Variants in FBXO16 observed in about 807,000 individuals in gnomAD.
The protein encoded by FBXO16 is F-box protein 16.
A neutral mutation model predicts 41.0 loss-of-function variants in FBXO16; 31 were observed. The ratio of observed to expected loss-of-function variants is 0.76; its 90% confidence interval spans 0.57 to 1.02. The LOEUF (loss-of-function observed/expected upper bound fraction) is 1.02. FBXO16 is among the 50% of genes least tolerant of loss of function. The pLI, the probability that FBXO16 is intolerant of heterozygous loss-of-function variation, is 0.00. For missense variants in FBXO16, 361 were observed against 346.2 expected (o/e 1.04, Z -0.34); for synonymous variants, 133 against 117.8 (o/e 1.13, Z -0.84).
chr8:28,448,224 C>T (rs1802896444), intron 6 of FBXO16, among the ~76,000 whole-genome samples: 1 of 151,260 alleles, frequency 6.6e-6, no homozygotes, highest in Non-Finnish European at 1.5e-5. Flanking sequence ...GCCTGTAGTT[C>T]CAGCTACTCA....
intron 2 of FBXO16, among the ~76,000 whole-genome samples, chr8:28,480,156 T>C (rs1370383358): frequency 6.6e-6 from 1 of 152,094 alleles, no homozygotes; most frequent in East Asian, 1.9e-4. Context: ...TTTTTTCTCA[T>C]TCTCTTTCCT....
intron 7 of FBXO16, among the ~76,000 whole-genome samples, chr8:28,446,294 G>A (rs1362933759): frequency 1.4e-5 from 2 of 139,664 alleles, no homozygotes; most frequent in Admixed American, 7.9e-5. Context: ...CCATCCTCCT[G>A]CCTCCCCCGC....
intron 7 of FBXO16, among the ~76,000 whole-genome samples, chr8:28,436,917 A>T (rs1478970345): frequency 6.6e-6 from 1 of 152,068 alleles, no homozygotes; most frequent in Non-Finnish European, 1.5e-5. Context: ...ATACCTAGCT[A>T]ACTTTCATTT....
At chr8:28,440,965 C>T (rs1802763237) in intron 7 of FBXO16, among the ~76,000 whole-genome samples, 3 of 152,168 alleles carry the variant, frequency 2.0e-5, no homozygotes, top group South Asian at 2.1e-4. Context: ...TCCAGGGCCT[C>T]GGAAGTTCAA....
intron 1 of FBXO16, among the ~76,000 whole-genome samples, chr8:28,488,293 C>CTTTTTTTTTTTTTTTT (rs10708340): frequency 1.0e-5 from 1 of 96,194 alleles, no homozygotes; most frequent in Non-Finnish European, 2.0e-5. Flanking sequence ...TCTTCTAAGC[C>CTTTTTTTTTTTTTTTT]TTTTTTTTTT....
At chr8:28,432,088 C>G (rs1802613706) in intron 7 of FBXO16, among the ~76,000 whole-genome samples, 1 of 151,838 alleles carries the variant, frequency 6.6e-6, no homozygotes, top group Admixed American at 6.6e-5. Context: ...GTGAACACCA[C>G]TGCTGTTTGC....
rs1477069747 is a variant in FBXO16, at chr8:28,489,824, G to T, written c.-17+362C>A. On this transcript the variant is annotated intron_variant, in intron 1 of 8. Coordinates refer to ENST00000380254, the MANE Select transcript of FBXO16 (RefSeq NM_172366.4). ...AGTTTACTGAGCATAATAGGACTGG[G>T]TCTCTCTGCTAACAGAATTTACCCA... 3.3e-5 allele frequency among the ~76,000 whole-genome samples: 5 copies of T among 152,234 alleles called. No individual in the cohort carries two copies. In the East Asian group the frequency reaches 9.6e-4, roughly 29 times the overall value.
chr8:28,429,353 G>A (rs1380133786), intron 8 of FBXO16, 25 bp downstream of exon 8: 45 of 1,613,202 alleles, frequency 2.8e-5, no homozygotes, highest in Non-Finnish European at 3.6e-5. Flanking sequence ...AAATGTCACA[G>A]GTTGATATCA....
At chr8:28,488,625 A>T (rs1803640845) in intron 1 of FBXO16, among the ~76,000 whole-genome samples, 1 of 152,038 alleles carries the variant, frequency 6.6e-6, no homozygotes, top group Admixed American at 6.6e-5. Flanking sequence ...TCACACTGTC[A>T]TCATTATTTA....
Position 28,429,597 on chromosome 8 carries a change from C to T in FBXO16, c.844-194G>A, listed in dbSNP as rs576013501. 3.3e-5 allele frequency among the ~76,000 whole-genome samples: 5 copies of T among 151,908 alleles called. No individual in the cohort carries two copies. In the South Asian group the frequency reaches 6.3e-4, roughly 19 times the overall value. On this transcript the variant is annotated intron_variant, in intron 7 of 8. Coordinates refer to ENST00000380254, the MANE Select transcript of FBXO16 (RefSeq NM_172366.4). ...GCCTCCCCCAAGCACAATGCCCCCC[C>T]GTTACTCCATACTAAGCTGGCAAGT...
chr8:28,441,946 AT>A (rs1216726136), intron 7 of FBXO16, among the ~76,000 whole-genome samples: 8,693 of 70,066 alleles, frequency 0.12, 290 homozygotes, highest in South Asian at 0.16. Flanking sequence ...GTGTGTGTGT[AT>A]TTTTTTTTTT....
chr8:28,479,525 G>A lies in FBXO16; in HGVS notation c.99+3823C>T, dbSNP rs117921877. On this transcript the variant is annotated intron_variant, in intron 2 of 8. Transcript: ENST00000380254. ...CTGAAAATCAAGGAATCTAATTAAC[G>A]CATATTTGAATTCAAGTCACTTTTT... Among the ~76,000 whole-genome samples, 406 of 152,142 alleles carry A rather than the reference G, an allele frequency of 2.7e-3. 2 individuals are homozygous for A. Among genetic ancestry groups the A allele is most frequent in the East Asian group, 0.018 (91 of 5,170 alleles).
At chr8:28,432,400 G>A (rs564298258) in intron 7 of FBXO16, among the ~76,000 whole-genome samples, 1 of 151,944 alleles carries the variant, frequency 6.6e-6, no homozygotes, top group Non-Finnish European at 1.5e-5. Flanking sequence ...CTTGAACCTG[G>A]GAGTCGGAGG....
intron 2 of FBXO16, among the ~76,000 whole-genome samples, chr8:28,477,569 G>GGT (rs1390596705): frequency 1.3e-5 from 2 of 152,314 alleles, no homozygotes; most frequent in South Asian, 2.1e-4. Context: ...TATATGTATG[G>GGT]GTGTGTGTGT....
chr8:28,490,151 C>T (rs1803668060), intron 1 of FBXO16, 35 bp downstream of exon 1: 1 of 152,130 alleles, frequency 6.6e-6, no homozygotes, highest in Admixed American at 6.6e-5. Flanking sequence ...AAGAGAGAGT[C>T]TCCATCTTTT....
chr8:28,433,265 C>T (rs139656046), intron 7 of FBXO16, among the ~76,000 whole-genome samples: 9 of 152,256 alleles, frequency 5.9e-5, no homozygotes, highest in Non-Finnish European at 1.0e-4. Context: ...GTCTTTAAAG[C>T]GAAGGAAATA....
chr8:28,453,711 C>G (rs1563362687), intron 5 of FBXO16, among the ~76,000 whole-genome samples: 1 of 151,928 alleles, frequency 6.6e-6, no homozygotes, highest in Non-Finnish European at 1.5e-5. Context: ...CTTGTTTCAA[C>G]AGCTCTTTGT....
At chr8:28,435,818 G>A (rs1449935530) in intron 7 of FBXO16, among the ~76,000 whole-genome samples, 1 of 152,168 alleles carries the variant, frequency 6.6e-6, no homozygotes, top group Non-Finnish European at 1.5e-5. Flanking sequence ...GACTTGTAGC[G>A]TGGCTTTCAG....
At chr8:28,458,274 G>C (rs1803068673) in intron 4 of FBXO16, among the ~76,000 whole-genome samples, 1 of 152,216 alleles carries the variant, frequency 6.6e-6, no homozygotes, top group African/African-American at 2.4e-5. Context: ...CAGAAGATGA[G>C]ATGTTGAGGA....
Sources: allele counts gnomAD v4.1 joint callset (sites outside exome capture counted in the v4.1 genomes callset), GRCh38; gene constraint gnomAD v4.1.1; transcripts MANE v1.5; gene names NCBI Gene and HGNC (gene_info 2026-07-23, HGNC 2026-07-21).